FHIT: variants seen among roughly 807,000 people sequenced by gnomAD.
The protein encoded by FHIT is fragile histidine triad diadenosine triphosphatase.
A neutral mutation model predicts 17.9 loss-of-function variants in FHIT; 19 were observed. That is an observed-to-expected ratio of 1.06 (90% confidence interval 0.74 to 1.56). The LOEUF is 1.56. Ranked by LOEUF, FHIT falls within the 40% of genes most tolerant of loss-of-function variation. The pLI is 0.00. For synonymous variants in FHIT, 81 were observed against 69.7 expected (o/e 1.16, Z -0.81); for missense variants, 248 against 189.2 (o/e 1.31, Z -1.82).
chr3:60,441,689 C>T (rs1226765741), intron 5 of FHIT, among the ~76,000 whole-genome samples: 14 of 130,682 alleles, frequency 1.1e-4, no homozygotes, highest in Non-Finnish European at 2.0e-4. Flanking sequence ...ATATTTGATG[C>T]ATCTGTAGGT....
chr3:61,225,960 A>G lies in FHIT; in HGVS notation c.-212-25295T>C, dbSNP rs77167980. Among the ~76,000 whole-genome samples, 1,197 of 152,284 alleles carry G rather than the reference A, an allele frequency of 7.9e-3. 18 individuals are homozygous for G. The highest frequency in any genetic ancestry group is 0.028 in the African/African-American group (1,143 of 41,504). ...TTCACCAGGGCCAAGCTTATAAAATATTAACTATAAGAGCAGTCAAGTGTT... is the reference window on the plus strand; with the variant it reads ...TTCACCAGGGCCAAGCTTATAAAATGTTAACTATAAGAGCAGTCAAGTGTT... On this transcript the variant is annotated intron_variant, in intron 1 of 9. Transcript: ENST00000492590.
chr3:60,470,828 A>AG (rs2033053257), intron 5 of FHIT, among the ~76,000 whole-genome samples: 1 of 152,152 alleles, frequency 6.6e-6, no homozygotes, highest in African/African-American at 2.4e-5. Context: ...TTCACAACTG[A>AG]AGCCAGCAGG....
At chr3:60,993,025 G>T (rs1340778916) in intron 3 of FHIT, among the ~76,000 whole-genome samples, 1 of 152,144 alleles carries the variant, frequency 6.6e-6, no homozygotes, top group Non-Finnish European at 1.5e-5. Context: ...ATGCTTTTAA[G>T]CTAAGATCAG....
chr3:60,815,260 T>A (rs2364296), intron 4 of FHIT, among the ~76,000 whole-genome samples: 10,707 of 152,114 alleles, frequency 0.07, 430 homozygotes, highest in Non-Finnish European at 0.084. Context: ...CACTTGTCAA[T>A]TTTTGGTTTT....
chr3:60,843,122 G>A (rs915090852), intron 3 of FHIT, among the ~76,000 whole-genome samples: 6 of 152,086 alleles, frequency 3.9e-5, no homozygotes, highest in South Asian at 2.1e-4. Context: ...TAAAATTCAC[G>A]TAGGAATGGA....
At chr3:60,642,704 G>A (rs1352838449) in intron 4 of FHIT, among the ~76,000 whole-genome samples, 6 of 152,084 alleles carry the variant, frequency 3.9e-5, no homozygotes, top group African/African-American at 1.4e-4. Context: ...AGATCAGATG[G>A]GAGAGGAGTA....
chr3:60,438,221 C>T (rs1450935050), intron 5 of FHIT, among the ~76,000 whole-genome samples: 2 of 151,996 alleles, frequency 1.3e-5, no homozygotes, highest in Non-Finnish European at 1.5e-5. Context: ...TTTCACCTGT[C>T]CTCAGACTGA....
chr3:61,237,705 T>C (rs1001612085), intron 1 of FHIT, among the ~76,000 whole-genome samples: 3 of 152,186 alleles, frequency 2.0e-5, no homozygotes, highest in African/African-American at 7.2e-5. Flanking sequence ...AGAACATAAT[T>C]GAAATCAATG....
intron 4 of FHIT, among the ~76,000 whole-genome samples, chr3:60,772,314 C>CTATATATATATATATATATATA (rs61056807): frequency 5.6e-5 from 8 of 143,388 alleles, no homozygotes; most frequent in African/African-American, 1.8e-4. Flanking sequence ...CACTTCTCAT[C>CTATATATATATATATATATATA]TATATATATA....
At chr3:60,010,291 C>G (rs1170092346) in intron 7 of FHIT, among the ~76,000 whole-genome samples, 1 of 152,208 alleles carries the variant, frequency 6.6e-6, no homozygotes, top group Non-Finnish European at 1.5e-5. Context: ...GCCTCTGTGT[C>G]TATCACCATA....
rs551693059 is a variant in FHIT at position 60,307,545 on chromosome 3, G to T, written c.103+229315C>A. Among the ~76,000 whole-genome samples, 42 of 151,782 alleles carry T rather than the reference G, an allele frequency of 2.8e-4. 1 individual carries two copies. In the South Asian group the frequency reaches 7.9e-3, roughly 29 times the overall value. ...TGTTTGACAATGATATTTACTTTGAGTGTGTTTTAAAAAATGACACCTGCT... is the reference window on the plus strand; with the variant it reads ...TGTTTGACAATGATATTTACTTTGATTGTGTTTTAAAAAATGACACCTGCT... On this transcript the variant is annotated intron_variant, in intron 5 of 9. Coordinates refer to ENST00000492590, the MANE Select transcript of FHIT (RefSeq NM_002012.4).
chr3:60,466,538 G>T (rs1291152322), intron 5 of FHIT, among the ~76,000 whole-genome samples: 1 of 151,922 alleles, frequency 6.6e-6, no homozygotes, highest in Non-Finnish European at 1.5e-5. Flanking sequence ...TTGTGTCAAG[G>T]TATGTTCCTT....
intron 5 of FHIT, among the ~76,000 whole-genome samples, chr3:60,309,105 C>A (rs1346728875): frequency 1.3e-5 from 2 of 152,068 alleles, no homozygotes; most frequent in Non-Finnish European, 2.9e-5. Context: ...TAAGTGATTG[C>A]TCTGTAGTTC....
At chr3:60,396,174 G>C (rs556544944) in intron 5 of FHIT, among the ~76,000 whole-genome samples, 106 of 152,052 alleles carry the variant, frequency 7.0e-4, no homozygotes, top group African/African-American at 2.5e-3. Context: ...TTGATATTTG[G>C]GTAAGTCTCC....
rs187756525 is a variant in FHIT at position 61,073,769 on chromosome 3, G to A, written c.-163-31670C>T. 9.5e-4 allele frequency among the ~76,000 whole-genome samples: 145 copies of A among 152,222 alleles called. 3 individuals carry two copies. The highest frequency in any genetic ancestry group is 3.4e-3 in the African/African-American group (140 of 41,532). ...TATGTGTCATCTTGCGGCATTTCCA[G>A]TTAATGGCATGACTGTAATGACTAG... On this transcript the variant is annotated intron_variant, in intron 2 of 9. Coordinates refer to ENST00000492590, the MANE Select transcript of FHIT (RefSeq NM_002012.4).
At chr3:60,330,106 A>C (rs1484553435) in intron 5 of FHIT, among the ~76,000 whole-genome samples, 2 of 152,142 alleles carry the variant, frequency 1.3e-5, no homozygotes, top group African/African-American at 4.8e-5. Context: ...ATCTGGCAAT[A>C]AAATATTTCC....
At chr3:60,548,779 G>A (rs1432518395) in intron 4 of FHIT, among the ~76,000 whole-genome samples, 1 of 152,140 alleles carries the variant, frequency 6.6e-6, no homozygotes, top group Admixed American at 6.5e-5. Context: ...GCACATCTCA[G>A]AGCACTAGTT....
chr3:60,682,325 C>G (rs1479147290), intron 4 of FHIT, among the ~76,000 whole-genome samples: 2 of 152,174 alleles, frequency 1.3e-5, no homozygotes, highest in African/African-American at 4.8e-5. Flanking sequence ...AAGATGCCAT[C>G]TAGGATTTTC....
chr3:60,943,922 C>T (rs1287601024), intron 3 of FHIT, among the ~76,000 whole-genome samples: 3 of 152,130 alleles, frequency 2.0e-5, no homozygotes, highest in African/African-American at 7.2e-5. Context: ...TTGTCATCTA[C>T]CTCCAATGTT....
Sources: allele counts gnomAD v4.1 joint callset (sites outside exome capture counted in the v4.1 genomes callset), GRCh38; gene constraint gnomAD v4.1.1; transcripts MANE v1.5; gene names NCBI Gene and HGNC (gene_info 2026-07-23, HGNC 2026-07-21).